The following TRHDE variants were observed in gnomAD, a reference collection of about 807,000 sequenced individuals.
TRHDE encodes the protein thyrotropin releasing hormone degrading enzyme, also known as thyrotropin-releasing hormone-degrading ectoenzyme.
In TRHDE, 72 loss-of-function variants were observed where a neutral mutation model predicts 125.7. The observed-to-expected ratio is 0.57, with a 90% CI of 0.47 to 0.70. TRHDE has a LOEUF of 0.70. Ranked by LOEUF, TRHDE falls within the 30% of genes least tolerant of loss-of-function variation. The pLI, the probability that TRHDE is intolerant of heterozygous loss-of-function variation, is 0.00. For missense variants in TRHDE, 1,110 were observed against 1,327.1 expected, an observed-to-expected ratio of 0.84 and a Z score of 2.54; for synonymous variants, 509 against 509.1, an observed-to-expected ratio of 1.00 and a Z score of 0.00.
chr12:72,534,606 A>G (rs1868751617), intron 6 of TRHDE, among the ~76,000 whole-genome samples: 2 of 151,080 alleles, frequency 1.3e-5, no homozygotes, highest in East Asian at 3.9e-4. Flanking sequence ...GATGAAGATA[A>G]CAATACCTAC....
chr12:72,137,374 G>C (rs969579730), intron 2 of TRHDE: 1 of 152,180 alleles, frequency 6.6e-6, no homozygotes, highest in Non-Finnish European at 1.5e-5. Context: ...TCCCCTATAT[G>C]CTATTAATAA....
chr12:72,376,911 C>T (rs1435721275), intron 2 of TRHDE, among the ~76,000 whole-genome samples: 1 of 151,520 alleles, frequency 6.6e-6, no homozygotes, highest in African/African-American at 2.4e-5. Context: ...ACACAAATTC[C>T]CTTATCTGTA....
intron 6 of TRHDE, among the ~76,000 whole-genome samples, chr12:72,532,907 G>A (rs1198813531): frequency 6.6e-6 from 1 of 151,422 alleles, no homozygotes; most frequent in African/African-American, 2.4e-5. Context: ...ATCATATGAA[G>A]GATATTGGAC....
intron 18 of TRHDE, among the ~76,000 whole-genome samples, chr12:72,661,870 C>T (rs1874932272): frequency 6.6e-6 from 1 of 152,136 alleles, no homozygotes; most frequent in South Asian, 2.1e-4. Context: ...ATTTAGAAAT[C>T]TTCTAAAGGA....
chr12:72,589,095 C>A (rs1337417335), intron 12 of TRHDE, among the ~76,000 whole-genome samples: 1 of 152,100 alleles, frequency 6.6e-6, no homozygotes, highest in Non-Finnish European at 1.5e-5. Context: ...GGGGACACAG[C>A]AAAACGATAT....
intron 12 of TRHDE, among the ~76,000 whole-genome samples, chr12:72,589,404 G>T (rs564755905): frequency 2.6e-4 from 40 of 152,010 alleles, no homozygotes; most frequent in African/African-American, 9.4e-4. Context: ...TTGTTACATA[G>T]GTATACATGT....
At chr12:72,303,988 G>A (rs1011347865) in intron 2 of TRHDE, among the ~76,000 whole-genome samples, 1 of 152,140 alleles carries the variant, frequency 6.6e-6, no homozygotes, top group Non-Finnish European at 1.5e-5. Flanking sequence ...ACCAGGTGAT[G>A]TGGCTGCTAT....
At position 72,667,073 on chromosome 12, in the gene TRHDE, A is replaced by C. The variant is rs1162462644; in HGVS notation, c.*3878A>C. On this transcript the variant is annotated 3_prime_UTR_variant, in exon 19 of 19. Transcript: ENST00000261180. ...AATGTCTATAAATCTATGCAGATTA[A>C]GTTGTGAAAAACAATGCAATTTTAG... The C allele has an allele frequency of 1.3e-5, 2 of 151,994 alleles. No homozygotes were observed. Among genetic ancestry groups the C allele is most frequent in the Admixed American group, 1.3e-4 (2 of 15,224 alleles). The allele number at this position is 151,994 out of a possible 1,614,324, so 9.4% of individuals were successfully genotyped here. A position where few individuals can be genotyped will look rare whatever the true frequency, so the allele number is the denominator to read the frequency against.
intron 9 of TRHDE, among the ~76,000 whole-genome samples, chr12:72,567,200 G>A (rs1302871010): frequency 6.6e-6 from 1 of 151,896 alleles, no homozygotes; most frequent in African/African-American, 2.4e-5. Context: ...ATGAACTACT[G>A]TCTAAAGAGT....
chr12:72,153,404 G>C (rs1876419128), intron 2 of TRHDE, among the ~76,000 whole-genome samples: 1 of 152,024 alleles, frequency 6.6e-6, no homozygotes, highest in African/African-American at 2.4e-5. Context: ...CTTCAGTTCT[G>C]CTCTGATCTT....
At chr12:72,489,767 G>T (rs1267784190) in intron 5 of TRHDE, among the ~76,000 whole-genome samples, 1 of 151,390 alleles carries the variant, frequency 6.6e-6, no homozygotes, top group East Asian at 1.9e-4. Flanking sequence ...TTAATACATG[G>T]TGCTGAGAAA....
chr12:72,462,340 T>C (rs1420982960), intron 3 of TRHDE, among the ~76,000 whole-genome samples: 5 of 152,170 alleles, frequency 3.3e-5, no homozygotes, highest in South Asian at 2.1e-4. Flanking sequence ...GGAATGCATC[T>C]GAGTGATACT....
intron 3 of TRHDE, among the ~76,000 whole-genome samples, chr12:72,418,449 T>C (rs1439818755): frequency 1.3e-5 from 2 of 152,110 alleles, no homozygotes; most frequent in Admixed American, 6.6e-5. Flanking sequence ...GCAAAATTAT[T>C]GATTCTTTTC....
At position 72,238,321 on chromosome 12, in the gene TRHDE, T is replaced by TAC. The variant is rs1491089881; in HGVS notation, n.279+132571_279+132572dup. 2.3e-4 allele frequency among the ~76,000 whole-genome samples: 7 copies of TAC among 30,142 alleles called. 1 individual carries two copies. The highest frequency in any genetic ancestry group is 6.7e-4 in the African/African-American group (6 of 8,998). 19.8% of individuals were successfully genotyped at this position (30,142 alleles called of 152,430 possible). A position where few individuals can be genotyped will look rare whatever the true frequency, so the allele number is the denominator to read the frequency against. ...ATATATATATATATATATATATATA[T>TAC]ACATATATATATACACATTATATAT... On this transcript the variant is annotated intron_variant and non_coding_transcript_variant, in intron 2 of 4. Coordinates refer to the TRHDE transcript ENST00000548156.
chr12:72,208,736 TATTA>T (rs1239267610), intron 2 of TRHDE, among the ~76,000 whole-genome samples: 8 of 152,224 alleles, frequency 5.3e-5, no homozygotes, highest in African/African-American at 1.9e-4. Flanking sequence ...TATTGACTGT[TATTA>T]ATTATTATTG....
intron 2 of TRHDE, among the ~76,000 whole-genome samples, chr12:72,129,493 G>A (rs1056568886): frequency 6.6e-6 from 1 of 152,174 alleles, no homozygotes; most frequent in African/African-American, 2.4e-5. Context: ...TGTCTATGCA[G>A]GGTTCCCCTA....
intron 2 of TRHDE, among the ~76,000 whole-genome samples, chr12:72,149,552 G>T (rs1025449316): frequency 6.6e-6 from 1 of 151,700 alleles, no homozygotes; most frequent in Admixed American, 6.6e-5. Context: ...CAAGATTAGA[G>T]TTGTGTTGTA....
In TRHDE at chr12:72,537,790, C is replaced by G. The variant is rs763836641; in HGVS notation, c.1723-4501C>G. Among the ~76,000 whole-genome samples the G allele has an allele frequency of 3.3e-5, 5 of 151,962 alleles. No homozygotes were observed. The South Asian group carries it at 6.2e-4, about 19-fold the overall frequency. On this transcript the variant is annotated intron_variant, in intron 6 of 18. Transcript: ENST00000261180. ...TCACTTGTTCAATATTTTTTGAGAG[C>G]CTGCTATGTGCCAGGAACAGTTTTT...
intron 1 of TRHDE, among the ~76,000 whole-genome samples, chr12:72,090,282 A>T (rs544981868): frequency 1.5e-4 from 23 of 152,148 alleles, no homozygotes; most frequent in Non-Finnish European, 2.9e-4. Flanking sequence ...AATGGAGACT[A>T]CTTTTAAGTA....
Sources: gnomAD v4.1 joint callset for allele counts (sites outside exome capture counted in the v4.1 genomes callset) on GRCh38, gnomAD v4.1.1 for gene constraint, MANE v1.5 for transcripts, NCBI Gene and HGNC (gene_info 2026-07-23, HGNC 2026-07-21) for gene names.